Variants in WDR25 observed in about 807,000 individuals in gnomAD.
The protein encoded by WDR25 is WD repeat domain 25, also known as WD repeat-containing protein 25.
Under a neutral mutation model 47.7 loss-of-function variants are expected in WDR25, and 35 were observed. That is an observed-to-expected ratio of 0.73 (90% confidence interval 0.56 to 0.97). The LOEUF (loss-of-function observed/expected upper bound fraction) is 0.97. Among genes scored for constraint, WDR25 ranks in the 50% least tolerant of loss-of-function variants. The pLI is 0.00. For missense variants in WDR25, 634 were observed against 704.7 expected (o/e 0.90, Z 1.14); for synonymous variants, 248 against 278.9 (o/e 0.89, Z 1.10).
intron 2 of WDR25, among the ~76,000 whole-genome samples, chr14:100,383,422 G>T (rs1896950591): frequency 6.6e-6 from 1 of 152,248 alleles, no homozygotes; most frequent in African/African-American, 2.4e-5. Flanking sequence ...CCCATCTGGA[G>T]GGTTGCTGGT....
chr14:100,528,005 C>A (rs1409644950), intron 5 of WDR25, among the ~76,000 whole-genome samples: 1 of 152,140 alleles, frequency 6.6e-6, no homozygotes, highest in Non-Finnish European at 1.5e-5. Context: ...GCCTGCATTT[C>A]TTTTCTCATT....
rs1443178427 is a variant in WDR25 at position 100,498,330 on chromosome 14, C to T, written c.1101+14206C>T. Among the ~76,000 whole-genome samples, 1 of 152,188 alleles carries T rather than the reference C, an allele frequency of 6.6e-6. No individual in the cohort carries two copies. The highest frequency in any genetic ancestry group is 1.5e-5 in the Non-Finnish European group (1 of 68,044). ...CGTTCCGTAACAAGCGGGCCATTGC[C>T]ACGCCCAGTTCAGAAGGGAGATGAG... On this transcript the variant is annotated intron_variant, in intron 4 of 6. Coordinates refer to ENST00000402312, the MANE Select transcript of WDR25 (RefSeq NM_001161476.3). This position sits in a 1 kb window ranked among gnomAD's most constrained non-coding sequence, Gnocchi z 4.2.
At chr14:100,460,280 T>G (rs549591912) in intron 2 of WDR25, among the ~76,000 whole-genome samples, 9 of 151,944 alleles carry the variant, frequency 5.9e-5, no homozygotes, top group African/African-American at 2.2e-4. Flanking sequence ...GCCCTGCTAA[T>G]TTTTTGTATT....
At chr14:100,491,171 C>T (rs553079689) in intron 4 of WDR25, among the ~76,000 whole-genome samples, 17 of 152,350 alleles carry the variant, frequency 1.1e-4, no homozygotes, top group Admixed American at 2.6e-4. Flanking sequence ...CTCATTTCCT[C>T]GTGGCCTCTT....
At chr14:100,380,202 C>T (rs745325366) in intron 1 of WDR25, among the ~76,000 whole-genome samples, 34 of 152,096 alleles carry the variant, frequency 2.2e-4, no homozygotes, top group Non-Finnish European at 4.0e-4. Context: ...TGTGTGCCAC[C>T]AGGCCTGGCT....
intron 2 of WDR25, among the ~76,000 whole-genome samples, chr14:100,448,539 T>C (rs773922010): frequency 2.0e-5 from 3 of 152,250 alleles, no homozygotes; most frequent in Non-Finnish European, 1.5e-5. Flanking sequence ...TCCTTCCTAC[T>C]GGGAGCCCTA....
chr14:100,482,186 T>C (rs189517376), intron 3 of WDR25, among the ~76,000 whole-genome samples: 54 of 152,266 alleles, frequency 3.5e-4, no homozygotes, highest in African/African-American at 1.2e-3. Context: ...TCGGCTTTGA[T>C]AGAGTTCAGT....
chr14:100,443,533 T>C (rs1362508466), intron 2 of WDR25, among the ~76,000 whole-genome samples: 1 of 152,224 alleles, frequency 6.6e-6, no homozygotes. Context: ...CCTTCAGCTG[T>C]CACTCGATTG....
intron 2 of WDR25, among the ~76,000 whole-genome samples, chr14:100,447,960 G>A (rs1898892535): frequency 6.6e-6 from 1 of 152,194 alleles, no homozygotes; most frequent in Non-Finnish European, 1.5e-5. Flanking sequence ...TTGGGAGGCC[G>A]AGGTGGGTGA....
chr14:100,505,660 A>T (rs1027681923), intron 4 of WDR25, among the ~76,000 whole-genome samples: 1 of 152,208 alleles, frequency 6.6e-6, no homozygotes, highest in Non-Finnish European at 1.5e-5. Flanking sequence ...TTTGGGGATA[A>T]TTGACATCTT....
At chr14:100,385,240 A>T (rs1262144949) in intron 2 of WDR25, among the ~76,000 whole-genome samples, 7 of 152,250 alleles carry the variant, frequency 4.6e-5, no homozygotes. Flanking sequence ...AGTGATCGAT[A>T]AAAATTAAAA....
chr14:100,390,373 A>C (rs1897113381), intron 2 of WDR25, among the ~76,000 whole-genome samples: 1 of 148,598 alleles, frequency 6.7e-6, no homozygotes. Context: ...GGACCTAAAA[A>C]GCTGACCTGA....
rs1223680510 is a variant in WDR25 at position 100,523,235 on chromosome 14, G to A, written c.1102-2635G>A. On this transcript the variant is annotated intron_variant, in intron 4 of 6. Coordinates refer to ENST00000402312, the MANE Select transcript of WDR25 (RefSeq NM_001161476.3). The surrounding 1 kb of genome is among the most constrained non-coding windows in gnomAD (Gnocchi z 4.7). Reference sequence around the variant, plus strand: ...TGATGCCTGCAGGGGCAGACCCAGTGCTAGCCAAGGGTGACCCAGAAATGT... The same window carrying A: ...TGATGCCTGCAGGGGCAGACCCAGTACTAGCCAAGGGTGACCCAGAAATGT... Among the ~76,000 whole-genome samples the A allele has an allele frequency of 6.6e-6, 1 of 152,246 alleles. No homozygotes were observed. The highest frequency in any genetic ancestry group is 1.5e-5 in the Non-Finnish European group (1 of 68,048).
Position 100,499,531 on chromosome 14 carries a change from G to T in WDR25, c.1101+15407G>T, listed in dbSNP as rs957599533. Among the ~76,000 whole-genome samples the T allele has an allele frequency of 2.0e-5, 3 of 152,210 alleles. No individual in the cohort carries two copies. Among genetic ancestry groups the T allele is most frequent in the Non-Finnish European group, 2.9e-5 (2 of 68,038 alleles). ...AGTGCCAGCTAACCCTGAAGAATGG[G>T]TTCATTTGTTAGTTTGCTTGTTTTC... On this transcript the variant is annotated intron_variant, in intron 4 of 6. Transcript: ENST00000402312. The surrounding 1 kb of genome is among the most constrained non-coding windows in gnomAD (Gnocchi z 4.4).
chr14:100,490,979 T>C (rs956445313), intron 4 of WDR25, among the ~76,000 whole-genome samples: 1 of 152,228 alleles, frequency 6.6e-6, no homozygotes, highest in African/African-American at 2.4e-5. Context: ...AGTAGGAGCC[T>C]AATGGAGGCA....
chr14:100,409,612 T>A (rs1398665753), intron 2 of WDR25, among the ~76,000 whole-genome samples: 1 of 152,174 alleles, frequency 6.6e-6, no homozygotes, highest in Non-Finnish European at 1.5e-5. Flanking sequence ...AGAAATTAAG[T>A]AAAGGCTGTG....
chr14:100,446,858 T>C (rs910816139), intron 2 of WDR25, among the ~76,000 whole-genome samples: 2 of 152,170 alleles, frequency 1.3e-5, no homozygotes. Flanking sequence ...CAGCACCGCA[T>C]GGATGCAGGG....
intron 2 of WDR25, among the ~76,000 whole-genome samples, chr14:100,385,905 C>T (rs557987628): frequency 1.9e-4 from 29 of 152,206 alleles, no homozygotes; most frequent in Admixed American, 7.8e-4. Flanking sequence ...CACAACCAGC[C>T]GTTATTGAAT....
intron 2 of WDR25, among the ~76,000 whole-genome samples, chr14:100,414,797 T>C (rs1266423712): frequency 6.6e-6 from 1 of 151,662 alleles, no homozygotes; most frequent in Admixed American, 6.6e-5. Flanking sequence ...GTTCCCTTTA[T>C]TGAGGCTGAG....
Sources: gnomAD v4.1 joint callset for allele counts (sites outside exome capture counted in the v4.1 genomes callset) on GRCh38, gnomAD v4.1.1 for gene constraint, Gnocchi (gnomAD v3.1) non-coding constraint, MANE v1.5 for transcripts, NCBI Gene and HGNC (gene_info 2026-07-23, HGNC 2026-07-21) for gene names.